STAT5A: variants seen among roughly 807,000 people sequenced by gnomAD.
The protein encoded by STAT5A is epididymis secretory sperm binding protein.
Under a neutral mutation model 100.2 loss-of-function variants are expected in STAT5A, and 26 were observed. That is an observed-to-expected ratio of 0.26 (90% confidence interval 0.19 to 0.36). The LOEUF is 0.36. Among genes scored for constraint, STAT5A ranks in the 10% least tolerant of loss-of-function variants. The probability of loss-of-function intolerance (pLI) is 1.00; values close to 1 mark genes in which losing one functional copy is unlikely to be tolerated. For missense variants in STAT5A, 634 were observed against 1,027.5 expected (o/e 0.62, Z 5.24); for synonymous variants, 330 against 424.3 (o/e 0.78, Z 2.73).
At chr17:42,294,289 T>C (rs973814355) in intron 4 of STAT5A, among the ~76,000 whole-genome samples, 8 of 152,084 alleles carry the variant, frequency 5.3e-5, no homozygotes, top group Non-Finnish European at 1.0e-4. Flanking sequence ...CCCTGACTTG[T>C]TGCCATCACA....
Position 42,306,434 on chromosome 17 carries a change from C to A in STAT5A, c.1667C>A (p.Ser556Tyr). 1 of 1,612,578 alleles carries A rather than the reference C, an allele frequency of 6.2e-7. No individual in the cohort carries two copies. The highest frequency in any genetic ancestry group is 8.5e-7 in the Non-Finnish European group (1 of 1,179,338). ...EDYSGLSVSWSQFNRENLPGW... is the reference protein window; with the variant it reads ...EDYSGLSVSWYQFNRENLPGW... ...TACAGTGGCCTGTCCGTGTCCTGGT[C>A]CCAGTTCAACAGGGTGAGGGGCCCA... The change falls in exon 13 of 19, where the codon TCC (serine) becomes TAC (tyrosine). Residue 556 changes from serine (S) to tyrosine (Y), a missense_variant. By Grantham distance (144) the Ser-to-Tyr change is moderately radical (BLOSUM62 -2). This residue lies in a region of STAT5A where 210 missense variants were observed against 428.4 expected (regional missense o/e 0.49). Coordinates refer to ENST00000590949, the MANE Select transcript of STAT5A (RefSeq NM_001288718.2).
rs767378397 is a variant in STAT5A, at chr17:42,300,834, C to A, written c.953C>A (p.Ala318Asp). 3.1e-6 allele frequency: 5 copies of A among 1,612,314 alleles called. No individual in the cohort carries two copies. In the Admixed American group the frequency reaches 8.3e-5, roughly 27 times the overall value. ...PVEEMLAEVN[A>D]TITDIISALV... ...GAGGAGATGCTGGCCGAGGTCAACG[C>A]CACCATCACGGACATTATCTCAGCC... Residue 318 changes from alanine to aspartate, a missense_variant, in exon 8 of 19, where the codon GCC becomes GAC. By Grantham distance (126) the Ala-to-Asp change is moderately radical. This residue lies in a region of STAT5A where 98 missense variants were observed against 149.7 expected (regional missense o/e 0.65). Transcript: ENST00000590949.
intron 8 of STAT5A, among the ~76,000 whole-genome samples, 198 bp downstream of exon 8, chr17:42,301,068 G>A (rs2080973173): frequency 1.3e-5 from 2 of 152,050 alleles, no homozygotes; most frequent in Non-Finnish European, 2.9e-5. Context: ...ACCCTGGGCC[G>A]CAGCCCATGC....
intron 12 of STAT5A, 69 bp downstream of exon 12, chr17:42,305,771 C>A: frequency 1.3e-6 from 2 of 1,509,426 alleles, no homozygotes; most frequent in Non-Finnish European, 9.1e-7. Context: ...CAGCCCCACC[C>A]CTTGGGCCCC....
chr17:42,297,290 A>C (rs2144518686), intron 5 of STAT5A, among the ~76,000 whole-genome samples: 2 of 152,322 alleles, frequency 1.3e-5, no homozygotes, highest in Middle Eastern at 3.4e-3. Context: ...TCTATCCCAG[A>C]CTGGCCCTAG....
intron 5 of STAT5A, among the ~76,000 whole-genome samples, chr17:42,298,426 G>T (rs569445341): frequency 1.2e-4 from 18 of 151,112 alleles, no homozygotes; most frequent in African/African-American, 3.2e-4. Context: ...CTCCCAAAGT[G>T]CTGGGATTAC....
At chr17:42,300,662 C>G in intron 7 of STAT5A, 53 bp from the exon 8 acceptor site, 4 of 1,613,492 alleles carry the variant, frequency 2.5e-6, no homozygotes. Flanking sequence ...TGGGGCCTGG[C>G]GTCTGTGAGG....
chr17:42,300,686 C>T lies in STAT5A; in HGVS notation c.834-29C>T, dbSNP rs534878447. On this transcript the variant is annotated intron_variant, in intron 7 of 18. Transcript: ENST00000590949. The stretch of plus-strand genomic sequence containing the variant: ...GCGTCTGTGAGGAGAAGCCATTGTC[C>T]TCCTGTTGGCCTTGGGGCTCTCGTG... 3.1e-5 allele frequency: 50 copies of T among 1,613,808 alleles called. No individual in the cohort carries two copies. The African/African-American group carries it at 4.4e-4, about 14-fold the overall frequency.
At chr17:42,307,349 G>A (rs2081038517) in intron 13 of STAT5A, 53 bp from the exon 14 acceptor site, 14 of 1,585,122 alleles carry the variant, frequency 8.8e-6, no homozygotes, top group African/African-American at 1.3e-5. Context: ...ACTTTCCTGG[G>A]CCACCTGTGA....
At chr17:42,292,182 C>A in intron 4 of STAT5A, 121 bp downstream of exon 4, 1 of 1,250,134 alleles carries the variant, frequency 8.0e-7, no homozygotes, top group Non-Finnish European at 1.1e-6. Context: ...AGATGAGGGA[C>A]GTGGGCAAGT....
intron 5 of STAT5A, among the ~76,000 whole-genome samples, chr17:42,297,650 G>A (rs1225097087): frequency 6.6e-6 from 1 of 151,972 alleles, no homozygotes; most frequent in African/African-American, 2.4e-5. Context: ...CCCTTGCATA[G>A]GAAGGCTGGG....
At chr17:42,310,378 G>A in intron 18 of STAT5A, 129 bp from the exon 19 acceptor site, 2 of 980,998 alleles carry the variant, frequency 2.0e-6, no homozygotes, top group South Asian at 1.5e-5. Flanking sequence ...TGGGGTGGGG[G>A]CATCCAGCCA....
At chr17:42,296,990 G>C (rs558560619) in intron 5 of STAT5A, among the ~76,000 whole-genome samples, 1 of 152,296 alleles carries the variant, frequency 6.6e-6, no homozygotes, top group South Asian at 2.1e-4. Flanking sequence ...GAGTGCAGTG[G>C]CACGATCTCA....
At chr17:42,297,819 G>A (rs2080933448) in intron 5 of STAT5A, among the ~76,000 whole-genome samples, 1 of 152,040 alleles carries the variant, frequency 6.6e-6, no homozygotes, top group African/African-American at 2.4e-5. Context: ...GCTCTGGGCT[G>A]TTCCTGGCTA....
chr17:42,302,096 T>G (rs1341260628), intron 9 of STAT5A, among the ~76,000 whole-genome samples: 1 of 152,162 alleles, frequency 6.6e-6, no homozygotes, highest in Non-Finnish European at 1.5e-5. Flanking sequence ...AGCCTAGGAA[T>G]TTGATACTAC....
intron 9 of STAT5A, 41 bp downstream of exon 9, chr17:42,301,495 G>A: frequency 6.2e-7 from 1 of 1,610,662 alleles, no homozygotes; most frequent in Non-Finnish European, 8.5e-7. Context: ...GCTTAGGTGT[G>A]GGGGACCTGC....
At chr17:42,296,477 C>A (rs1038646486) in intron 5 of STAT5A, among the ~76,000 whole-genome samples, 4 of 152,188 alleles carry the variant, frequency 2.6e-5, no homozygotes, top group Non-Finnish European at 5.9e-5. Flanking sequence ...CATGGCCCAT[C>A]TATTAATATG....
intron 4 of STAT5A, 107 bp from the exon 5 acceptor site, chr17:42,295,512 T>TTGG: frequency 8.3e-7 from 1 of 1,200,202 alleles, no homozygotes; most frequent in Admixed American, 2.4e-5. Flanking sequence ...CTTCTTACCC[T>TTGG]AGTTTGGGGT....
intron 8 of STAT5A, 34 bp from the exon 9 acceptor site, chr17:42,301,241 C>G: frequency 6.2e-7 from 1 of 1,604,612 alleles, no homozygotes; most frequent in Non-Finnish European, 8.5e-7. Flanking sequence ...TGCGCCAACC[C>G]CTCATCGTGT....
Sources: gnomAD v4.1 joint callset for allele counts (sites outside exome capture counted in the v4.1 genomes callset) on GRCh38, gnomAD v4.1.1 for gene constraint, gnomAD v4.1.1 regional missense constraint, MANE v1.5 for transcripts, NCBI Gene and HGNC (gene_info 2026-07-23, HGNC 2026-07-21) for gene names.